The following UBR3 variants were observed in gnomAD, a reference collection of about 807,000 sequenced individuals.
The protein encoded by UBR3 is ubiquitin protein ligase E3 component n-recognin 3, also known as E3 ubiquitin-protein ligase UBR3.
UBR3 carries 85 observed loss-of-function variants against 243.2 expected under a neutral mutation model. The observed-to-expected ratio is 0.35, with a 90% CI of 0.29 to 0.42. UBR3 has a LOEUF of 0.42. Among genes scored for constraint, UBR3 ranks in the 10% least tolerant of loss-of-function variants. The pLI, the probability that UBR3 is intolerant of heterozygous loss-of-function variation, is 1.00. For synonymous variants in UBR3, 748 were observed against 799.8 expected, an observed-to-expected ratio of 0.94 and a Z score of 1.09; for missense variants, 1,686 against 2,300.8, an observed-to-expected ratio of 0.73 and a Z score of 5.47.
At chr2:169,830,117 CT>C (rs1270970487) in intron 1 of UBR3, among the ~76,000 whole-genome samples, 2 of 151,960 alleles carry the variant, frequency 1.3e-5, no homozygotes, top group Non-Finnish European at 2.9e-5. Context: ...TCTTTAATTT[CT>C]TTTTTTATTT....
intron 30 of UBR3, among the ~76,000 whole-genome samples, chr2:170,027,082 C>T (rs2105420553): frequency 6.6e-6 from 1 of 151,754 alleles, no homozygotes; most frequent in African/African-American, 2.4e-5. Flanking sequence ...TCATAAACCC[C>T]CCAAAAAGTG....
In UBR3 at chr2:169,827,567, C is replaced by T. The variant is rs2081781134; in HGVS notation, c.60C>T (p.Pro20=). The change falls in exon 1 of 39, where the codon CCC becomes CCT. Residue 20 remains proline, a synonymous_variant. Coordinates refer to ENST00000272793, the MANE Select transcript of UBR3 (RefSeq NM_172070.4). The part of the protein sequence containing the change: ...GGQQPSQPEL[P]APGLALDKAA... Reference sequence around the variant, plus strand: ...AGCAGCCGTCACAGCCCGAGCTGCCCGCGCCGGGGCTGGCCCTAGACAAGG... The same window carrying T: ...AGCAGCCGTCACAGCCCGAGCTGCCTGCGCCGGGGCTGGCCCTAGACAAGG... 8.9e-6 allele frequency: 11 copies of T among 1,234,924 alleles called. No homozygotes were observed. In the East Asian group the frequency reaches 3.5e-4, roughly 39 times the overall value. 76.5% of individuals were successfully genotyped at this position (1,234,924 alleles called of 1,614,324 possible).
At chr2:169,831,356 G>A (rs892025296) in intron 1 of UBR3, among the ~76,000 whole-genome samples, 1 of 149,988 alleles carries the variant, frequency 6.7e-6, no homozygotes, top group Non-Finnish European at 1.5e-5. Flanking sequence ...CTCCATGTTG[G>A]TCAGGCTGGT....
At chr2:169,857,368 C>G (rs2082922866) in intron 1 of UBR3, among the ~76,000 whole-genome samples, 1 of 151,424 alleles carries the variant, frequency 6.6e-6, no homozygotes, top group Non-Finnish European at 1.5e-5. Context: ...GCGCCCGGCC[C>G]CATTGTGTTC....
intron 24 of UBR3, among the ~76,000 whole-genome samples, chr2:169,974,407 T>C (rs866470185): frequency 1.6e-4 from 24 of 152,286 alleles, no homozygotes; most frequent in Non-Finnish European, 3.2e-4. Flanking sequence ...GTTGTATGTG[T>C]CCAGGAATTT....
intron 25 of UBR3, among the ~76,000 whole-genome samples, 190 bp downstream of exon 25, chr2:169,986,984 A>G (rs765045889): frequency 5.3e-5 from 8 of 152,198 alleles, no homozygotes; most frequent in Non-Finnish European, 7.3e-5. Context: ...GTGTTAGAAG[A>G]AACTCCTAAC....
chr2:169,932,763 A>G lies in UBR3; in HGVS notation c.2567-149A>G. 3 of 610,444 alleles carry G rather than the reference A, an allele frequency of 4.9e-6. No homozygotes were observed. The African/African-American group carries it at 5.9e-5, about 12-fold the overall frequency. The allele number at this position is 610,444 out of a possible 1,614,324, so 37.8% of individuals were successfully genotyped here. A position where few individuals can be genotyped will look rare whatever the true frequency, so the allele number is the denominator to read the frequency against. On this transcript the variant is annotated intron_variant, in intron 18 of 38. Transcript: ENST00000272793. ...TGATTTTTGACTTAGAAAAGTAATC[A>G]TGGCATCAAGCTTCTTAAGGCAAAT...
chr2:169,979,003 T>G (rs7560481), intron 24 of UBR3, among the ~76,000 whole-genome samples: 66,724 of 152,000 alleles, frequency 0.44, 15,788 homozygotes, highest in Non-Finnish European at 0.54. Flanking sequence ...AGGAAATATT[T>G]GCAAAACACA....
intron 22 of UBR3, among the ~76,000 whole-genome samples, chr2:169,948,673 T>C (rs987343456): frequency 2.0e-5 from 3 of 152,078 alleles, no homozygotes; most frequent in Non-Finnish European, 4.4e-5. Flanking sequence ...CCTCTAATGC[T>C]GGTAGAGAGT....
At chr2:170,048,896 G>A (rs1433736548) in intron 32 of UBR3, among the ~76,000 whole-genome samples, 3 of 152,262 alleles carry the variant, frequency 2.0e-5, no homozygotes, top group Admixed American at 6.5e-5. Flanking sequence ...TATGGCCATA[G>A]TACAGTAAAT....
intron 10 of UBR3, among the ~76,000 whole-genome samples, chr2:169,912,752 CTA>C (rs1353437825): frequency 6.6e-6 from 1 of 150,894 alleles, no homozygotes; most frequent in Non-Finnish European, 1.5e-5. Context: ...TATGGTAACT[CTA>C]TATTTAACTT....
At chr2:169,988,097 G>A (rs1229300489) in intron 25 of UBR3, among the ~76,000 whole-genome samples, 2 of 152,172 alleles carry the variant, frequency 1.3e-5, no homozygotes, top group East Asian at 3.8e-4. Flanking sequence ...TACTGAAAGG[G>A]AAATGTGTGG....
At chr2:170,001,221 G>A in intron 26 of UBR3, 83 bp from the exon 27 acceptor site, 1 of 931,852 alleles carries the variant, frequency 1.1e-6, no homozygotes, top group Non-Finnish European at 1.6e-6. Flanking sequence ...AAATCATGCA[G>A]AGGTTTATGT....
intron 5 of UBR3, among the ~76,000 whole-genome samples, chr2:169,881,396 G>C (rs1471420093): frequency 4.0e-5 from 6 of 151,794 alleles, no homozygotes; most frequent in African/African-American, 1.5e-4. Flanking sequence ...TCAGGCTGGT[G>C]TTGAACTCCT....
intron 32 of UBR3, among the ~76,000 whole-genome samples, chr2:170,043,491 TTAAA>T (rs2091015278): frequency 6.6e-6 from 1 of 152,184 alleles, no homozygotes; most frequent in Admixed American, 6.6e-5. Context: ...TTAGTAATGG[TTAAA>T]TAAATAGAAT....
At chr2:169,960,070 G>C (rs1239419803) in intron 24 of UBR3, among the ~76,000 whole-genome samples, 3 of 151,932 alleles carry the variant, frequency 2.0e-5, no homozygotes, top group African/African-American at 7.3e-5. Context: ...GACCAACATG[G>C]TGAAACCCGT....
chr2:169,922,057 C>T (rs1473677489), intron 11 of UBR3, among the ~76,000 whole-genome samples: 1 of 151,832 alleles, frequency 6.6e-6, no homozygotes, highest in Admixed American at 6.6e-5. Context: ...GAGGCTGAGG[C>T]GGGCAGATTG....
chr2:169,898,506 G>A (rs1003363346), intron 8 of UBR3, among the ~76,000 whole-genome samples: 3 of 146,540 alleles, frequency 2.0e-5, no homozygotes, highest in Admixed American at 1.4e-4. Context: ...GGCATAGGGA[G>A]TTGAAGTCAA....
At chr2:169,962,421 A>C (rs566386040) in intron 24 of UBR3, among the ~76,000 whole-genome samples, 274 of 152,100 alleles carry the variant, frequency 1.8e-3, no homozygotes, top group Non-Finnish European at 3.2e-3. Flanking sequence ...ATTTCAGGAG[A>C]GCTCCTTAGA....
Sources: allele counts gnomAD v4.1 joint callset (sites outside exome capture counted in the v4.1 genomes callset), GRCh38; gene constraint gnomAD v4.1.1; transcripts MANE v1.5; gene names NCBI Gene and HGNC (gene_info 2026-07-23, HGNC 2026-07-21).